The following DMXL1 variants were observed in gnomAD, a reference collection of about 807,000 sequenced individuals.
DMXL1 encodes dmX-like protein 1.
Under a neutral mutation model 319.2 loss-of-function variants are expected in DMXL1, and 99 were observed. The ratio of observed to expected loss-of-function variants is 0.31; its 90% CI spans 0.26 to 0.37. The LOEUF is 0.37. DMXL1 is among the 10% of genes least tolerant of loss of function. The pLI is 1.00. For missense variants in DMXL1, 3,745 were observed against 3,595.6 expected, an observed-to-expected ratio of 1.04 and a Z score of -1.06; for synonymous variants, 1,385 against 1,235.2, an observed-to-expected ratio of 1.12 and a Z score of -2.54.
At chr5:119,182,259 T>C (rs1416366883) in intron 28 of DMXL1, among the ~76,000 whole-genome samples, 3 of 152,376 alleles carry the variant, frequency 2.0e-5, no homozygotes, top group Non-Finnish European at 2.9e-5. Context: ...TTTTTATCTT[T>C]TAAATTTGGC....
chr5:119,104,124 G>A (rs1214204991), intron 3 of DMXL1: 1 of 152,136 alleles, frequency 6.6e-6, no homozygotes, highest in African/African-American at 2.4e-5. Context: ...TGTATATTAT[G>A]GAGTATTCTT....
intron 39 of DMXL1, among the ~76,000 whole-genome samples, chr5:119,234,812 A>G (rs1277976061): frequency 6.6e-6 from 1 of 152,154 alleles, no homozygotes; most frequent in Non-Finnish European, 1.5e-5. Flanking sequence ...TAGCTACATG[A>G]TTACAATATA....
intron 21 of DMXL1, among the ~76,000 whole-genome samples, chr5:119,165,735 C>T (rs145042538): frequency 1.3e-4 from 20 of 152,254 alleles, no homozygotes; most frequent in Non-Finnish European, 1.8e-4. Context: ...AGAGCTTGTG[C>T]GGGGAAACTC....
intron 7 of DMXL1, among the ~76,000 whole-genome samples, chr5:119,117,051 C>T (rs1186945361): frequency 6.6e-6 from 1 of 152,000 alleles, no homozygotes; most frequent in Non-Finnish European, 1.5e-5. Flanking sequence ...AGTTTTGAGA[C>T]AGGGTCTTGC....
chr5:119,137,072 A>G (rs949956372), intron 13 of DMXL1, among the ~76,000 whole-genome samples: 12 of 152,244 alleles, frequency 7.9e-5, no homozygotes, highest in African/African-American at 2.9e-4. Flanking sequence ...GAAAGCAGCC[A>G]CAGGCACTGT....
At chr5:119,236,224 A>G (rs1787728711) in intron 39 of DMXL1, 1 of 152,088 alleles carries the variant, frequency 6.6e-6, no homozygotes, top group African/African-American at 2.4e-5. Flanking sequence ...TAGATTTTAA[A>G]AATACCCCAT....
intron 17 of DMXL1, among the ~76,000 whole-genome samples, chr5:119,148,349 C>G (rs1769036247): frequency 6.6e-6 from 1 of 152,064 alleles, no homozygotes; most frequent in African/African-American, 2.4e-5. Flanking sequence ...ATAAAACTAG[C>G]AAAGAGCTGT....
chr5:119,116,083 T>C (rs1760775977), intron 6 of DMXL1, 75 bp from the exon 7 acceptor site: 4 of 1,395,846 alleles, frequency 2.9e-6, no homozygotes, highest in Non-Finnish European at 3.9e-6. Flanking sequence ...GGGGAGAAAA[T>C]TCTTACTTTT....
chr5:119,124,660 G>A (rs1014586366), intron 9 of DMXL1, among the ~76,000 whole-genome samples: 2 of 150,916 alleles, frequency 1.3e-5, no homozygotes, highest in African/African-American at 2.4e-5. Flanking sequence ...CTGCCTCTCG[G>A]GTTCAAGTGA....
At chr5:119,207,931 T>C (rs1782045400) in intron 34 of DMXL1, among the ~76,000 whole-genome samples, 1 of 152,338 alleles carries the variant, frequency 6.6e-6, no homozygotes, top group Non-Finnish European at 1.5e-5. Context: ...AAAAAAATTT[T>C]TAAGGTTACT....
intron 1 of DMXL1, among the ~76,000 whole-genome samples, chr5:119,092,805 G>C (rs1755080856): frequency 6.6e-6 from 1 of 152,164 alleles, no homozygotes; most frequent in South Asian, 2.1e-4. Flanking sequence ...CTTTTGTAAA[G>C]TTCATCCATG....
rs180830352 is a variant in DMXL1, at chr5:119,248,917, G to A, written c.*1698G>A. The A allele has an allele frequency of 6.6e-6, 1 of 152,530 alleles. No homozygotes were observed. Among genetic ancestry groups the A allele is most frequent in the Admixed American group, 6.5e-5 (1 of 15,282 alleles). The allele number at this position is 152,530 out of a possible 1,614,324, so 9.4% of individuals were successfully genotyped here. A position where few individuals can be genotyped will look rare whatever the true frequency, so the allele number is the denominator to read the frequency against. ...GTAGTTAACCTTAAGTTATTTTTCA[G>A]TAATTTCTTCACAAATCAAGATTCA... is the stretch of plus-strand genomic sequence containing the variant. On this transcript the variant is annotated 3_prime_UTR_variant, in exon 44 of 44. Transcript: ENST00000539542.
rs140972662 is a variant in DMXL1 at position 119,118,920 on chromosome 5, C to T, written c.849C>T (p.Cys283=). 17 of 1,613,766 alleles carry T rather than the reference C, an allele frequency of 1.1e-5. No individual in the cohort carries two copies. In the African/African-American group the frequency reaches 2.3e-4, roughly 22 times the overall value. The change falls in exon 8 of 44, where the codon TGC becomes TGT. Residue 283 remains cysteine, a synonymous_variant. Transcript: ENST00000539542. ...ATTGTTTGCTATACGGAGGTGACTGCAGCCATTGGACTGAATCAATTAATT... is the reference window on the plus strand; with the variant it reads ...ATTGTTTGCTATACGGAGGTGACTGTAGCCATTGGACTGAATCAATTAATT... The part of the protein sequence containing the change: ...PNDCLLYGGD[C]SHWTESINLT...
chr5:119,240,051 T>A (rs1017253275), intron 41 of DMXL1, among the ~76,000 whole-genome samples: 1 of 151,932 alleles, frequency 6.6e-6, no homozygotes, highest in Non-Finnish European at 1.5e-5. Context: ...GGAGGATCAT[T>A]TCAGCCCAGG....
At chr5:119,215,533 G>A (rs981195403) in intron 34 of DMXL1, among the ~76,000 whole-genome samples, 5 of 151,730 alleles carry the variant, frequency 3.3e-5, no homozygotes, top group Non-Finnish European at 7.4e-5. Context: ...GTAAAATTTT[G>A]TACTTTTCTC....
In DMXL1 at chr5:119,171,191, C is replaced by T; in HGVS notation, c.6400C>T (p.Leu2134Phe). Residue 2134 changes from leucine (L) to phenylalanine (F), a missense_variant, in exon 24 of 44, where the codon CTT becomes TTT. Leu to Phe is a conservative substitution (Grantham distance 22, BLOSUM62 0). This residue lies in a region of DMXL1 where 1,382 missense variants were observed against 1,269.5 expected (regional missense o/e 1.09). Transcript: ENST00000539542. ...LKYQSLLRMF[L>F]SYCILHGSHG... is the part of the protein sequence containing the mutation. ...GTATCAGTCACTTTTGAGAATGTTT[C>T]TTAGTTACTGCATACTTCATGGATC... 1 of 1,613,928 alleles carries T rather than the reference C, an allele frequency of 6.2e-7. No individual in the cohort carries two copies. The highest frequency in any genetic ancestry group is 1.3e-5 in the African/African-American group (1 of 75,042).
intron 13 of DMXL1, 129 bp downstream of exon 13, chr5:119,134,518 T>C (rs1765577832): frequency 2.4e-6 from 2 of 826,086 alleles, no homozygotes; most frequent in African/African-American, 1.7e-5. Context: ...GTTTTATTTT[T>C]TCACATTTGT....
chr5:119,077,801 A>C (rs1425596372), intron 1 of DMXL1, among the ~76,000 whole-genome samples: 4 of 135,620 alleles, frequency 2.9e-5, no homozygotes, highest in African/African-American at 1.2e-4. Flanking sequence ...ATCTGTACTT[A>C]CCTGGCGAGA....
intron 8 of DMXL1, among the ~76,000 whole-genome samples, chr5:119,120,722 A>G (rs1761860964): frequency 6.6e-6 from 1 of 152,238 alleles, no homozygotes; most frequent in African/African-American, 2.4e-5. Flanking sequence ...AAAAATTGCA[A>G]AACACTGTGT....
Sources: gnomAD v4.1 joint callset for allele counts (sites outside exome capture counted in the v4.1 genomes callset) on GRCh38, gnomAD v4.1.1 for gene constraint, gnomAD v4.1.1 regional missense constraint, MANE v1.5 for transcripts, NCBI Gene and HGNC (gene_info 2026-07-23, HGNC 2026-07-21) for gene names.